TOX: variants seen among roughly 807,000 people sequenced by gnomAD.
TOX encodes thymocyte selection associated high mobility group box.
A neutral mutation model predicts 53.7 loss-of-function variants in TOX; 11 were observed. The observed-to-expected ratio is 0.20, with a 90% CI of 0.13 to 0.34. The LOEUF is 0.34. Among genes scored for constraint, TOX ranks in the 10% least tolerant of loss-of-function variants. TOX has a pLI of 1.00. For synonymous variants in TOX, 225 were observed against 245.3 expected, an observed-to-expected ratio of 0.92 and a Z score of 0.77; for missense variants, 570 against 664.6, an observed-to-expected ratio of 0.86 and a Z score of 1.56.
chr8:58,902,171 TC>T (rs1232970845), intron 3 of TOX, among the ~76,000 whole-genome samples: 2 of 152,118 alleles, frequency 1.3e-5, no homozygotes, highest in Admixed American at 1.3e-4. Flanking sequence ...ATGCTTTTCT[TC>T]CCCCTTTTTC....
chr8:59,033,888 G>T (rs574482000), intron 1 of TOX, among the ~76,000 whole-genome samples: 1 of 152,130 alleles, frequency 6.6e-6, no homozygotes, highest in South Asian at 2.1e-4. Flanking sequence ...CAGATAGGGC[G>T]GCCTCAACAT....
chr8:58,831,035 G>A (rs1166203922), intron 5 of TOX, among the ~76,000 whole-genome samples: 3 of 152,150 alleles, frequency 2.0e-5, no homozygotes, highest in South Asian at 4.2e-4. Flanking sequence ...TGTATAACTC[G>A]CTCAGCATTT....
intron 1 of TOX, among the ~76,000 whole-genome samples, chr8:59,102,416 T>G (rs1303150184): frequency 2.0e-5 from 3 of 152,086 alleles, no homozygotes; most frequent in African/African-American, 7.2e-5. Context: ...TTAGTAGAGA[T>G]GAAGTTTCAC....
intron 5 of TOX, among the ~76,000 whole-genome samples, chr8:58,830,539 A>G (rs1419538658): frequency 2.6e-5 from 4 of 152,224 alleles, no homozygotes; most frequent in Non-Finnish European, 4.4e-5. Flanking sequence ...AAACTCAAAC[A>G]GAAAAAATTT....
intron 1 of TOX, among the ~76,000 whole-genome samples, chr8:59,094,853 C>G (rs558238945): frequency 1.3e-5 from 2 of 152,114 alleles, no homozygotes; most frequent in African/African-American, 4.8e-5. Context: ...ATATTTTAGT[C>G]ACCTTTTATC....
At chr8:58,825,841 G>A (rs1810356500) in intron 6 of TOX, among the ~76,000 whole-genome samples, 1 of 152,038 alleles carries the variant, frequency 6.6e-6, no homozygotes, top group Non-Finnish European at 1.5e-5. Context: ...GTTTCAGAAG[G>A]AATTAGATAA....
chr8:58,914,357 C>A (rs767576070), intron 3 of TOX, among the ~76,000 whole-genome samples: 10 of 152,176 alleles, frequency 6.6e-5, no homozygotes, highest in Non-Finnish European at 1.2e-4. Context: ...ACTAACTCTG[C>A]AAATAGGTAG....
chr8:59,062,529 A>AG (rs1804003889), intron 1 of TOX, among the ~76,000 whole-genome samples: 1 of 152,204 alleles, frequency 6.6e-6, no homozygotes, highest in Admixed American at 6.5e-5. Context: ...TTCTACTTAT[A>AG]GGGTTTATAT....
intron 6 of TOX, among the ~76,000 whole-genome samples, chr8:58,823,705 A>G (rs1810318408): frequency 6.6e-6 from 1 of 152,146 alleles, no homozygotes; most frequent in African/African-American, 2.4e-5. Context: ...GTCCACTTGG[A>G]TCTGCTATAT....
chr8:59,064,042 T>G (rs1804043755), intron 1 of TOX, among the ~76,000 whole-genome samples: 1 of 152,104 alleles, frequency 6.6e-6, no homozygotes, highest in Admixed American at 6.5e-5. Context: ...TTTAAAGTCC[T>G]TTGACTCATT....
At chr8:58,918,790 G>A (rs1203988246) in intron 3 of TOX, among the ~76,000 whole-genome samples, 22 of 117,288 alleles carry the variant, frequency 1.9e-4, no homozygotes, top group African/African-American at 6.1e-4. Flanking sequence ...CGACATGATT[G>A]TTTATCTAGA....
intron 1 of TOX, among the ~76,000 whole-genome samples, chr8:59,074,983 T>G (rs1403250492): frequency 6.6e-6 from 1 of 152,198 alleles, no homozygotes; most frequent in Non-Finnish European, 1.5e-5. Context: ...AGGCAGGGAC[T>G]GCAGACAAAG....
At chr8:59,075,938 G>C (rs73256332) in intron 1 of TOX, among the ~76,000 whole-genome samples, 42,894 of 151,414 alleles carry the variant, frequency 0.28, 10,210 homozygotes, top group African/African-American at 0.65. Context: ...CCGGGAGGCG[G>C]AGGTTGCGGT....
At chr8:58,948,050 T>G (rs1042744313) in intron 2 of TOX, among the ~76,000 whole-genome samples, 19 of 152,172 alleles carry the variant, frequency 1.2e-4, no homozygotes, top group African/African-American at 4.3e-4. Context: ...ATTTCACTTA[T>G]GAAAAGCCAG....
At chr8:58,996,055 A>G (rs745454060) in intron 1 of TOX, among the ~76,000 whole-genome samples, 4 of 152,142 alleles carry the variant, frequency 2.6e-5, no homozygotes, top group Non-Finnish European at 5.9e-5. Flanking sequence ...CAGTTTGAAC[A>G]TTGTAATTTT....
At chr8:58,873,989 G>GTTTTTTTTTTTTTTT (rs1563376355) in intron 3 of TOX, among the ~76,000 whole-genome samples, 3 of 99,548 alleles carry the variant, frequency 3.0e-5, no homozygotes, top group East Asian at 2.9e-4. Context: ...TTTTTTTTGG[G>GTTTTTTTTTTTTTTT]AAACCATGAT....
In TOX at chr8:58,815,449, A is replaced by G. The variant is rs1257347157; in HGVS notation, c.1281T>C (p.Leu427=). ...GCTGCTGCATGTTGAGATGCTGGTG[A>G]AGAGGCGGGCTGATCTGGAGGGGAG... The part of the protein sequence containing the change: ...PPPPLQISPP[L]HQHLNMQQHQ... The change falls in exon 7 of 9, where the codon CTT becomes CTC. Residue 427 remains leucine (L), a synonymous_variant. Coordinates refer to ENST00000361421, the MANE Select transcript of TOX (RefSeq NM_014729.3). The G allele has an allele frequency of 7.4e-6, 12 of 1,613,946 alleles. No homozygotes were observed. The highest frequency in any genetic ancestry group is 1.0e-5 in the Non-Finnish European group (12 of 1,179,994).
At chr8:58,988,836 A>G (rs1486469047) in intron 1 of TOX, among the ~76,000 whole-genome samples, 1 of 152,206 alleles carries the variant, frequency 6.6e-6, no homozygotes, top group Non-Finnish European at 1.5e-5. Context: ...CTAGAGCCAA[A>G]CCAATGGTCA....
intron 1 of TOX, among the ~76,000 whole-genome samples, chr8:59,037,955 T>C (rs1803501152): frequency 6.6e-6 from 1 of 152,176 alleles, no homozygotes; most frequent in Non-Finnish European, 1.5e-5. Flanking sequence ...ATAGTAACAT[T>C]ACACAGGACA....
Sources: gnomAD v4.1 joint callset for allele counts (sites outside exome capture counted in the v4.1 genomes callset) on GRCh38, gnomAD v4.1.1 for gene constraint, MANE v1.5 for transcripts, NCBI Gene and HGNC (gene_info 2026-07-23, HGNC 2026-07-21) for gene names.